The following SPRR2G variants were observed in gnomAD, a reference collection of about 807,000 sequenced individuals.
The protein encoded by SPRR2G is small proline rich protein 2G.
A neutral mutation model predicts 0.7 loss-of-function variants in SPRR2G; 1 was observed. The observed-to-expected ratio is 1.49, with a 90% CI of 0.53 to 7.06. SPRR2G has a LOEUF of 7.06. SPRR2G is among the 30% of genes most tolerant of loss of function. SPRR2G has a pLI of 0.14. For synonymous variants in SPRR2G, 38 were observed against 33.9 expected (o/e 1.12, Z -0.42); for missense variants, 96 against 88.5 (o/e 1.09, Z -0.34).
chr1:153,185,349 T>C, the SPRR2G span, among the ~76,000 whole-genome samples: 1 of 151,704 alleles, frequency 6.6e-6, no homozygotes, highest in East Asian at 1.9e-4. Context: ...CTTTTTTTTT[T>C]TTTTTGTGGT....
chr1:153,197,540 G>C, the SPRR2G span, among the ~76,000 whole-genome samples: 1 of 152,012 alleles, frequency 6.6e-6, no homozygotes, highest in Non-Finnish European at 1.5e-5. Flanking sequence ...AATATTCACT[G>C]AGCATCTATT....
chr1:153,161,448 A>T, the SPRR2G span, among the ~76,000 whole-genome samples: 5,692 of 133,088 alleles, frequency 0.043, 1,470 homozygotes, highest in African/African-American at 0.14. Flanking sequence ...GAGTTGTTTG[A>T]GTTCCTTGTA....
chr1:153,181,869 G>C, the SPRR2G span, among the ~76,000 whole-genome samples: 1 of 151,956 alleles, frequency 6.6e-6, no homozygotes. Flanking sequence ...TTGTGATAGT[G>C]CTGCAGTAAA....
chr1:153,169,895 T>A, the SPRR2G span, among the ~76,000 whole-genome samples: 2 of 152,212 alleles, frequency 1.3e-5, no homozygotes, highest in Non-Finnish European at 2.9e-5. Context: ...AGACTGTGTT[T>A]CCAAGTATGT....
chr1:153,175,489 C>T, the SPRR2G span, among the ~76,000 whole-genome samples: 1 of 152,174 alleles, frequency 6.6e-6, no homozygotes, highest in Non-Finnish European at 1.5e-5. Flanking sequence ...GTTCTTCCCT[C>T]CCAGCCTTCA....
the SPRR2G span, chr1:153,176,639 C>T: frequency 3.3e-5 from 5 of 152,208 alleles, no homozygotes; most frequent in Non-Finnish European, 5.9e-5. Flanking sequence ...CACACCATGT[C>T]GGTATGGGTG....
At chr1:153,188,191 C>A in the SPRR2G span, among the ~76,000 whole-genome samples, 1 of 152,290 alleles carries the variant, frequency 6.6e-6, no homozygotes, top group East Asian at 1.9e-4. Flanking sequence ...GTCAGGGACC[C>A]ACTTGAGGAG....
At chr1:153,175,342 T>C in the SPRR2G span, among the ~76,000 whole-genome samples, 1 of 152,060 alleles carries the variant, frequency 6.6e-6, no homozygotes, top group Non-Finnish European at 1.5e-5. Flanking sequence ...TTAGAAAAAA[T>C]AGTTGAACGC....
At chr1:153,188,866 G>A in the SPRR2G span, among the ~76,000 whole-genome samples, 7 of 152,180 alleles carry the variant, frequency 4.6e-5, no homozygotes, top group Non-Finnish European at 1.0e-4. Flanking sequence ...ATCTGGGCCG[G>A]GTAGCACAGT....
chr1:153,153,685 G>A (rs1328767596), upstream of SPRR2G, among the ~76,000 whole-genome samples: 5 of 152,190 alleles, frequency 3.3e-5, no homozygotes, highest in African/African-American at 1.2e-4. Context: ...GAAAGAGAGA[G>A]AGGATGACAT....
the SPRR2G span, among the ~76,000 whole-genome samples, chr1:153,183,041 C>G: frequency 1.3e-5 from 2 of 151,234 alleles, no homozygotes; most frequent in Non-Finnish European, 2.9e-5. Context: ...TCCTCTCCAG[C>G]ATCTATTGTT....
rs1656416648 is a variant in SPRR2G at position 153,149,732 on chromosome 1, T to C, written c.*157A>G. The C allele has an allele frequency of 4.3e-6, 4 of 938,726 alleles. No homozygotes were observed. In the Admixed American group the frequency reaches 8.9e-5, roughly 21 times the overall value. 58.1% of individuals were successfully genotyped at this position (938,726 alleles called of 1,614,324 possible). A position where few individuals can be genotyped will look rare whatever the true frequency, so the allele number is the denominator to read the frequency against. On this transcript the variant is annotated 3_prime_UTR_variant, in exon 2 of 2. Coordinates refer to ENST00000368748, the MANE Select transcript of SPRR2G (RefSeq NM_001014291.4). Reference sequence around the variant, plus strand: ...CTCATCTTCCAACAACATATCGGTTTTCAGAACTAAGCCTTTTCTCTGTCA... The same window carrying C: ...CTCATCTTCCAACAACATATCGGTTCTCAGAACTAAGCCTTTTCTCTGTCA...
chr1:153,202,578 G>C, the SPRR2G span, among the ~76,000 whole-genome samples: 2 of 152,146 alleles, frequency 1.3e-5, no homozygotes, highest in South Asian at 4.2e-4. Flanking sequence ...GAATCTACCT[G>C]TCTAATGAGG....
the SPRR2G span, among the ~76,000 whole-genome samples, chr1:153,183,934 A>T: frequency 2.0e-5 from 3 of 152,172 alleles, no homozygotes; most frequent in Non-Finnish European, 4.4e-5. Flanking sequence ...AGCTTTCTAC[A>T]TGTGGTTAGG....
At chr1:153,160,815 A>G in the SPRR2G span, among the ~76,000 whole-genome samples, 1 of 150,928 alleles carries the variant, frequency 6.6e-6, no homozygotes. Flanking sequence ...GGCACTATTC[A>G]CAATAGCAAA....
the SPRR2G span, among the ~76,000 whole-genome samples, chr1:153,170,873 A>C: frequency 6.6e-6 from 1 of 152,084 alleles, no homozygotes; most frequent in Non-Finnish European, 1.5e-5. Context: ...ACCTAAGTAA[A>C]TCAGCACTGG....
At chr1:153,161,999 T>A in the SPRR2G span, among the ~76,000 whole-genome samples, 2 of 152,138 alleles carry the variant, frequency 1.3e-5, no homozygotes, top group African/African-American at 4.8e-5. Context: ...GTGGTTGTTG[T>A]TGTTGTTGTT....
chr1:153,184,995 G>A, the SPRR2G span, among the ~76,000 whole-genome samples: 461 of 152,278 alleles, frequency 3.0e-3, 2 homozygotes, highest in African/African-American at 9.8e-3. Flanking sequence ...CTGTTTATGT[G>A]ATGGATTACA....
At chr1:153,180,293 C>A in the SPRR2G span, among the ~76,000 whole-genome samples, 1 of 152,122 alleles carries the variant, frequency 6.6e-6, no homozygotes, top group Non-Finnish European at 1.5e-5. Context: ...CAAACATTAA[C>A]TTTTTCCTGG....
Sources: gnomAD v4.1 joint callset for allele counts (sites outside exome capture counted in the v4.1 genomes callset) on GRCh38, gnomAD v4.1.1 for gene constraint, MANE v1.5 for transcripts, NCBI Gene and HGNC (gene_info 2026-07-23, HGNC 2026-07-21) for gene names.